Variants in ITFG1 observed in about 807,000 individuals in gnomAD.
The protein encoded by ITFG1 is integrin alpha FG-GAP repeat containing 1.
In ITFG1, 34 loss-of-function variants were observed where a neutral mutation model predicts 81.8. That is an observed-to-expected ratio of 0.42 (90% confidence interval 0.32 to 0.55). The LOEUF (loss-of-function observed/expected upper bound fraction) is 0.55, where lower values mean the gene tolerates loss of function less well. Ranked by LOEUF, ITFG1 falls within the 20% of genes least tolerant of loss-of-function variation. The pLI, the probability that ITFG1 is intolerant of heterozygous loss-of-function variation, is 0.17. For synonymous variants in ITFG1, 285 were observed against 270.6 expected, an observed-to-expected ratio of 1.05 and a Z score of -0.52; for missense variants, 672 against 755.4, an observed-to-expected ratio of 0.89 and a Z score of 1.29.
intron 7 of ITFG1, among the ~76,000 whole-genome samples, chr16:47,368,013 G>A (rs1269132355): frequency 2.0e-5 from 3 of 150,764 alleles, no homozygotes; most frequent in South Asian, 2.1e-4. Flanking sequence ...CGAGGCGGGC[G>A]GATCAGGTCA....
intron 14 of ITFG1, among the ~76,000 whole-genome samples, chr16:47,180,673 G>A (rs1034778762): frequency 1.3e-5 from 2 of 152,172 alleles, no homozygotes; most frequent in South Asian, 2.1e-4. Flanking sequence ...ACGGAGTCTC[G>A]TTCACTCAGT....
At chr16:47,317,754 T>A (rs1476661484) in intron 8 of ITFG1, 1 of 152,224 alleles carries the variant, frequency 6.6e-6, no homozygotes, top group East Asian at 1.9e-4. Flanking sequence ...ATGGGCATCC[T>A]ACTTCTAATG....
chr16:47,154,965 A>AT lies in ITFG1; in HGVS notation c.*753dup, dbSNP rs1410520839. On this transcript the variant is annotated 3_prime_UTR_variant, in exon 18 of 18. Transcript: ENST00000320640. ...TCTATGTATTTCTATAATTAGATGTATAAGTCTAATAAGATCATCTAAAAT... is the reference window on the plus strand; with the variant it reads ...TCTATGTATTTCTATAATTAGATGTATTAAGTCTAATAAGATCATCTAAAAT... The AT allele has an allele frequency of 6.6e-6, 1 of 152,254 alleles. No homozygotes were observed. The highest frequency in any genetic ancestry group is 6.5e-5 in the Admixed American group (1 of 15,284). 9.4% of individuals were successfully genotyped at this position (152,254 alleles called of 1,614,324 possible). A position where few individuals can be genotyped will look rare whatever the true frequency, so the allele number is the denominator to read the frequency against.
chr16:47,175,987 G>T (rs1965019935), intron 14 of ITFG1, among the ~76,000 whole-genome samples: 1 of 152,188 alleles, frequency 6.6e-6, no homozygotes, highest in South Asian at 2.1e-4. Flanking sequence ...GCTTTGGGAG[G>T]TTCCTATTGT....
intron 12 of ITFG1, among the ~76,000 whole-genome samples, chr16:47,242,252 T>A (rs1051495219): frequency 1.3e-5 from 2 of 151,742 alleles, no homozygotes; most frequent in African/African-American, 4.8e-5. Flanking sequence ...AAAAAGAACT[T>A]CTAGATATCA....
intron 14 of ITFG1, among the ~76,000 whole-genome samples, chr16:47,203,137 A>G (rs1965447853): frequency 6.6e-6 from 1 of 152,212 alleles, no homozygotes; most frequent in South Asian, 2.1e-4. Flanking sequence ...AAAATGTGGA[A>G]TATACCTAAA....
At chr16:47,161,924 G>T in intron 15 of ITFG1, 92 bp from the exon 16 acceptor site, 1 of 820,254 alleles carries the variant, frequency 1.2e-6, no homozygotes, top group Non-Finnish European at 2.0e-6. Context: ...TAGCTACTTT[G>T]AGAAATTCAA....
At chr16:47,459,659 C>T (rs1969499096) in intron 1 of ITFG1, among the ~76,000 whole-genome samples, 1 of 152,152 alleles carries the variant, frequency 6.6e-6, no homozygotes, top group Non-Finnish European at 1.5e-5. Flanking sequence ...GCTGAATCCT[C>T]CAAGACCCTC....
At chr16:47,227,772 T>C (rs999652668) in intron 13 of ITFG1, among the ~76,000 whole-genome samples, 4 of 152,300 alleles carry the variant, frequency 2.6e-5, no homozygotes, top group Admixed American at 6.5e-5. Flanking sequence ...TAAAAGATAC[T>C]GTATTAGGTA....
rs536592818 is a variant in ITFG1, at chr16:47,255,252, CAGTT to C, written c.1330+3376_1330+3379del. On this transcript the variant is annotated intron_variant, in intron 12 of 17. Coordinates refer to ENST00000320640, the MANE Select transcript of ITFG1 (RefSeq NM_030790.5). ...ACACTTATGCTAGGTTGGAGCAAAA[CAGTT>C]AGTTTTACAGGAGCCCATTAAAATA... Among the ~76,000 whole-genome samples the C allele has an allele frequency of 2.6e-5, 4 of 152,286 alleles. No homozygotes were observed. The South Asian group carries it at 6.2e-4, about 24-fold the overall frequency.
intron 10 of ITFG1, among the ~76,000 whole-genome samples, chr16:47,305,010 CT>C (rs1038040263): frequency 4.6e-5 from 7 of 152,108 alleles, no homozygotes; most frequent in African/African-American, 1.7e-4. Context: ...GCTTACTTTA[CT>C]TTATCACAGT....
intron 10 of ITFG1, among the ~76,000 whole-genome samples, chr16:47,301,104 T>G (rs948172279): frequency 2.0e-5 from 3 of 152,124 alleles, no homozygotes; most frequent in Admixed American, 6.5e-5. Context: ...TAAATAACAT[T>G]CATGACTAGA....
At chr16:47,337,356 G>A (rs893402028) in intron 8 of ITFG1, among the ~76,000 whole-genome samples, 10 of 152,078 alleles carry the variant, frequency 6.6e-5, no homozygotes, top group African/African-American at 2.4e-4. Context: ...CAGATCACGA[G>A]GTCAGGAGTT....
intron 6 of ITFG1, among the ~76,000 whole-genome samples, chr16:47,392,442 T>C (rs906499876): frequency 2.6e-5 from 4 of 151,908 alleles, no homozygotes; most frequent in Admixed American, 6.6e-5. Context: ...GACAGGGAAA[T>C]AGAGCAGGAG....
At chr16:47,352,431 T>A (rs1020933227) in intron 8 of ITFG1, among the ~76,000 whole-genome samples, 15 of 152,278 alleles carry the variant, frequency 9.9e-5, no homozygotes, top group Non-Finnish European at 2.2e-4. Context: ...AAGAAGACAT[T>A]TATGCAGCCA....
At chr16:47,403,876 T>C (rs1968695132) in intron 6 of ITFG1, among the ~76,000 whole-genome samples, 2 of 150,716 alleles carry the variant, frequency 1.3e-5, no homozygotes, top group African/African-American at 4.9e-5. Flanking sequence ...CCCCAGGCCA[T>C]GGACCAGAAC....
chr16:47,255,610 C>T (rs896101718), intron 12 of ITFG1, among the ~76,000 whole-genome samples: 1 of 152,170 alleles, frequency 6.6e-6, no homozygotes, highest in Non-Finnish European at 1.5e-5. Flanking sequence ...GAAGGGAACA[C>T]TGTTAATCAA....
At chr16:47,427,115 GA>G (rs1388370559) in intron 6 of ITFG1, among the ~76,000 whole-genome samples, 2 of 152,140 alleles carry the variant, frequency 1.3e-5, no homozygotes, top group Admixed American at 6.5e-5. Context: ...GCAGTAGAGT[GA>G]CAGATTTAGT....
chr16:47,403,403 AT>A (rs538584743), intron 6 of ITFG1, among the ~76,000 whole-genome samples: 5 of 151,082 alleles, frequency 3.3e-5, no homozygotes, highest in Non-Finnish European at 4.4e-5. Flanking sequence ...AGTCATTTTC[AT>A]TTTTTTTTAA....
Sources: gnomAD v4.1 joint callset for allele counts (sites outside exome capture counted in the v4.1 genomes callset) on GRCh38, gnomAD v4.1.1 for gene constraint, MANE v1.5 for transcripts, NCBI Gene and HGNC (gene_info 2026-07-23, HGNC 2026-07-21) for gene names.